PITPNM2: variants seen among roughly 807,000 people sequenced by gnomAD.
PITPNM2 encodes membrane-associated phosphatidylinositol transfer protein 2.
Under a neutral mutation model 132.2 loss-of-function variants are expected in PITPNM2, and 35 were observed. That is an observed-to-expected ratio of 0.26 (90% CI 0.20 to 0.35). The LOEUF is 0.35. Among genes scored for constraint, PITPNM2 ranks in the 10% least tolerant of loss-of-function variants. The pLI, the probability that PITPNM2 is intolerant of heterozygous loss-of-function variation, is 1.00. For synonymous variants in PITPNM2, 738 were observed against 799.2 expected (o/e 0.92, Z 1.29); for missense variants, 1,332 against 1,912.0 (o/e 0.70, Z 5.66).
At chr12:123,018,380 C>T (rs1368872676) in intron 3 of PITPNM2, among the ~76,000 whole-genome samples, 1 of 145,242 alleles carries the variant, frequency 6.9e-6, no homozygotes, top group East Asian at 2.0e-4. Context: ...TTGCAACCTT[C>T]GCCTCCCAGG....
chr12:123,020,567 G>A (rs1431072584), intron 3 of PITPNM2, among the ~76,000 whole-genome samples: 1 of 152,226 alleles, frequency 6.6e-6, no homozygotes, highest in Non-Finnish European at 1.5e-5. Context: ...CCACAGGGGT[G>A]TTCTTTCCTG....
At chr12:123,125,559 T>C (rs1033560597) in intron 1 of PITPNM2, among the ~76,000 whole-genome samples, 1 of 152,030 alleles carries the variant, frequency 6.6e-6, no homozygotes, top group Non-Finnish European at 1.5e-5. Flanking sequence ...AAATGCATGG[T>C]ACAGGCCAGG....
In PITPNM2 at chr12:122,988,717, C is replaced by T. The variant is rs1334419659; in HGVS notation, c.2880+7G>A. On this transcript the variant is annotated splice_region_variant and intron_variant, in intron 19 of 25. Transcript: ENST00000320201. ...GGCCCTCCTGGGAGGTCCCAGGCCC[C>T]GGGTACCTGTCTCAGCAGAAAGGAG... 9.0e-6 allele frequency: 14 copies of T among 1,555,048 alleles called. No individual in the cohort carries two copies. Among genetic ancestry groups the T allele is most frequent in the Admixed American group, 7.8e-5 (4 of 51,236 alleles).
Position 123,072,265 on chromosome 12 carries a change from G to A in PITPNM2, c.-95-37580C>T, listed in dbSNP as rs150556481. ...GTGCACACCAGGAAACTGAGGCTCC[G>A]AGAGGTCAAAGGAATTCTCCAAGAT... On this transcript the variant is annotated intron_variant, in intron 2 of 25. Transcript: ENST00000320201. 4.9e-3 allele frequency among the ~76,000 whole-genome samples: 744 copies of A among 152,314 alleles called. 5 individuals carry two copies. The highest frequency in any genetic ancestry group is 0.017 in the South Asian group (80 of 4,828).
rs1333287974 is a variant in PITPNM2 at position 122,985,102 on chromosome 12, C to CG, written c.*924_*925insC. ...GTGGGCAGGAGCAGGGCCCACGGGA[C>CG]CCAGAACCAGGCTGGACTCCGTCAC... On this transcript the variant is annotated 3_prime_UTR_variant, in exon 26 of 26. Coordinates refer to ENST00000320201, the MANE Select transcript of PITPNM2 (RefSeq NM_020845.3). The CG allele has an allele frequency of 4.6e-5, 7 of 152,520 alleles. No individual in the cohort carries two copies. Among genetic ancestry groups the CG allele is most frequent in the African/African-American group, 1.7e-4 (7 of 41,416 alleles). 9.4% of individuals were successfully genotyped at this position (152,520 alleles called of 1,614,324 possible). A position where few individuals can be genotyped will look rare whatever the true frequency, so the allele number is the denominator to read the frequency against.
intron 2 of PITPNM2, among the ~76,000 whole-genome samples, chr12:123,079,345 CTTTTCTTTTTTT>C (rs2041884576): frequency 7.8e-5 from 7 of 90,254 alleles, no homozygotes; most frequent in Admixed American, 3.5e-4. Flanking sequence ...TTTCTTTTTT[CTTTTCTTTTTTT>C]TTTTTTTTTT....
intron 3 of PITPNM2, among the ~76,000 whole-genome samples, chr12:123,029,296 A>G (rs189744089): frequency 2.8e-4 from 42 of 152,362 alleles, no homozygotes; most frequent in African/African-American, 9.4e-4. Context: ...TAGGTTACAG[A>G]TAAAGAAACT....
At chr12:123,124,493 C>T (rs2043098386) in intron 1 of PITPNM2, among the ~76,000 whole-genome samples, 1 of 152,036 alleles carries the variant, frequency 6.6e-6, no homozygotes, top group African/African-American at 2.4e-5. Context: ...TGAAAGAGGA[C>T]ACACACACAA....
chr12:122,992,969 G>T lies in PITPNM2; in HGVS notation c.2234-300C>A, dbSNP rs779735290. Among the ~76,000 whole-genome samples the T allele has an allele frequency of 1.3e-5, 2 of 152,060 alleles. No individual in the cohort carries two copies. Among genetic ancestry groups the T allele is most frequent in the South Asian group, 2.1e-4 (1 of 4,824 alleles). On this transcript the variant is annotated intron_variant, in intron 15 of 25. Transcript: ENST00000320201. The surrounding 1 kb of genome is among the most constrained non-coding windows in gnomAD (Gnocchi z 6.5). ...GCCTCCTGAGTAGCTGGGACCACAG[G>T]TGTGCACCACCACACCTGGCTTTTT...
intron 3 of PITPNM2, among the ~76,000 whole-genome samples, chr12:123,020,351 C>T (rs556204200): frequency 1.3e-5 from 2 of 152,042 alleles, no homozygotes; most frequent in Non-Finnish European, 2.9e-5. Flanking sequence ...ACACTCCTGA[C>T]CTCAAGTGAT....
At chr12:123,054,429 T>A (rs1268603918) in intron 2 of PITPNM2, among the ~76,000 whole-genome samples, 1 of 152,252 alleles carries the variant, frequency 6.6e-6, no homozygotes, top group Non-Finnish European at 1.5e-5. Context: ...TCTGCAGCCA[T>A]GATCTCACTC....
chr12:123,112,428 G>A (rs2137348721), intron 1 of PITPNM2, among the ~76,000 whole-genome samples: 1 of 152,270 alleles, frequency 6.6e-6, no homozygotes, highest in South Asian at 2.1e-4. Context: ...CGTAGTCACA[G>A]TCCTGGAGGG....
At chr12:123,053,937 G>T (rs555688402) in intron 2 of PITPNM2, among the ~76,000 whole-genome samples, 1 of 152,144 alleles carries the variant, frequency 6.6e-6, no homozygotes, top group Admixed American at 6.5e-5. Flanking sequence ...AGTTTTACTT[G>T]TATTTATTTG....
upstream of PITPNM2, among the ~76,000 whole-genome samples, chr12:123,151,427 T>C (rs557175463): frequency 6.6e-6 from 1 of 152,174 alleles, no homozygotes; most frequent in East Asian, 2.0e-4. Context: ...TTGCGGCCAC[T>C]GTGACTCTTA....
At position 123,099,272 on chromosome 12, in the gene PITPNM2, A is replaced by T. The variant is rs1368689784; in HGVS notation, c.-96+11113T>A. On this transcript the variant is annotated intron_variant, in intron 2 of 25. Coordinates refer to ENST00000320201, the MANE Select transcript of PITPNM2 (RefSeq NM_020845.3). This position sits in a 1 kb window ranked among gnomAD's most constrained non-coding sequence, Gnocchi z 4.2. ...ATATATCTTTTTTTTTAAAGAATGA[A>T]ACCTCATACCAGGACTCCCTTTGGA... Among the ~76,000 whole-genome samples, 1 of 152,086 alleles carries T rather than the reference A, an allele frequency of 6.6e-6. No individual in the cohort carries two copies. Among genetic ancestry groups the T allele is most frequent in the African/African-American group, 2.4e-5 (1 of 41,408 alleles).
At chr12:123,048,506 C>T (rs1409616066) in intron 2 of PITPNM2, among the ~76,000 whole-genome samples, 5 of 152,040 alleles carry the variant, frequency 3.3e-5, no homozygotes, top group East Asian at 1.9e-4. Flanking sequence ...TCTGCTTCCC[C>T]GGTTCACGTC....
At position 122,985,996 on chromosome 12, in the gene PITPNM2, C is replaced by T. The variant is rs2037912255; in HGVS notation, c.*31G>A. On this transcript the variant is annotated 3_prime_UTR_variant, in exon 26 of 26. Coordinates refer to ENST00000320201, the MANE Select transcript of PITPNM2 (RefSeq NM_020845.3). ...GGGGCTGGCCACCCTGGCCTAGCAC[C>T]ATGGAGACCCCGCGCTGCACTCACG... 7.3e-7 allele frequency: 1 copy of T among 1,373,824 alleles called. No individual in the cohort carries two copies. The highest frequency in any genetic ancestry group is 1.5e-5 in the African/African-American group (1 of 64,978). The allele number at this position is 1,373,824 out of a possible 1,614,324, so 85.1% of individuals were successfully genotyped here.
chr12:122,987,017 G>A (rs2037965081), intron 23 of PITPNM2, among the ~76,000 whole-genome samples, 188 bp from the exon 24 acceptor site: 3 of 152,274 alleles, frequency 2.0e-5, no homozygotes, highest in Admixed American at 6.5e-5. Flanking sequence ...GGCGGCAGAT[G>A]CCCCTGCTGC....
rs1012820374 is a variant in PITPNM2, at chr12:123,108,804, G to A, written c.-96+1581C>T. Among the ~76,000 whole-genome samples, 2 of 152,124 alleles carry A rather than the reference G, an allele frequency of 1.3e-5. No homozygotes were observed. Among genetic ancestry groups the A allele is most frequent in the African/African-American group, 4.8e-5 (2 of 41,422 alleles). ...GCAACTTAAGAGGCCCCATCACAAC[G>A]TGCCCTATCTTCCCAGCAAGGATGA... is the stretch of plus-strand genomic sequence containing the variant. On this transcript the variant is annotated intron_variant, in intron 2 of 25. Transcript: ENST00000320201. This position sits in a 1 kb window ranked among gnomAD's most constrained non-coding sequence, Gnocchi z 4.4.
Sources: allele counts gnomAD v4.1 joint callset (sites outside exome capture counted in the v4.1 genomes callset), GRCh38; gene constraint gnomAD v4.1.1; non-coding constraint Gnocchi (gnomAD v3.1); transcripts MANE v1.5; gene names NCBI Gene and HGNC (gene_info 2026-07-23, HGNC 2026-07-21).